Variants in PDE1C observed in about 807,000 individuals in gnomAD.
The protein encoded by PDE1C is dual specificity calcium/calmodulin-dependent 3',5'-cyclic nucleotide phosphodiesterase 1C.
Under a neutral mutation model 93.1 loss-of-function variants are expected in PDE1C, and 62 were observed. That is an observed-to-expected ratio of 0.67 (90% CI 0.54 to 0.82). PDE1C has a LOEUF of 0.82. PDE1C is among the 40% of genes least tolerant of loss of function. The pLI is 0.00. For synonymous variants in PDE1C, 325 were observed against 310.1 expected (o/e 1.05, Z -0.50); for missense variants, 742 against 884.6 (o/e 0.84, Z 2.04).
intron 1 of PDE1C, among the ~76,000 whole-genome samples, chr7:32,289,853 C>A (rs1322456429): frequency 6.6e-6 from 1 of 152,172 alleles, no homozygotes; most frequent in Non-Finnish European, 1.5e-5. Context: ...TATGAAGTTA[C>A]CACAAAGAGA....
intron 1 of PDE1C, among the ~76,000 whole-genome samples, chr7:32,312,092 G>A (rs79412476): frequency 0.15 from 22,203 of 151,238 alleles, 1,876 homozygotes; most frequent in East Asian, 0.39. Flanking sequence ...AAAATCACAA[G>A]CATTCTTATA....
At chr7:31,688,557 C>T in the PDE1C span, among the ~76,000 whole-genome samples, 3 of 152,230 alleles carry the variant, frequency 2.0e-5, no homozygotes, top group East Asian at 5.8e-4. Flanking sequence ...AGTTCCTTCC[C>T]CCTTTCAGTT....
intron 1 of PDE1C, among the ~76,000 whole-genome samples, chr7:32,326,056 GA>G (rs142837148): frequency 7.4e-5 from 11 of 148,116 alleles, no homozygotes; most frequent in Admixed American, 2.0e-4. Context: ...CGGTTGTGAG[GA>G]AAAAAAAAAG....
At chr7:32,206,346 A>G (rs1328460164) in intron 2 of PDE1C, among the ~76,000 whole-genome samples, 2 of 152,170 alleles carry the variant, frequency 1.3e-5, no homozygotes, top group South Asian at 2.1e-4. Context: ...GGTCAGGTGC[A>G]GTCAACCAGA....
chr7:32,359,644 T>C (rs901291319), intron 1 of PDE1C, among the ~76,000 whole-genome samples: 3 of 152,234 alleles, frequency 2.0e-5, no homozygotes, highest in African/African-American at 7.2e-5. Flanking sequence ...TTATTGTGTT[T>C]CTATAAATGA....
intron 3 of PDE1C, among the ~76,000 whole-genome samples, chr7:32,138,791 T>C (rs1322267519): frequency 3.3e-5 from 5 of 152,230 alleles, no homozygotes; most frequent in African/African-American, 4.8e-5. Flanking sequence ...TGTTGACCCA[T>C]AGATCATTTT....
At chr7:32,354,996 A>G (rs1784004922) in intron 1 of PDE1C, among the ~76,000 whole-genome samples, 1 of 152,148 alleles carries the variant, frequency 6.6e-6, no homozygotes, top group Non-Finnish European at 1.5e-5. Context: ...CTTGTTTCAG[A>G]GCTTGGCACC....
intron 2 of PDE1C, among the ~76,000 whole-genome samples, chr7:32,181,680 G>A (rs908281428): frequency 2.0e-4 from 30 of 151,790 alleles, no homozygotes; most frequent in African/African-American, 7.3e-4. Flanking sequence ...AGCACTAAAT[G>A]CCCACAAGAG....
At chr7:31,732,594 C>A in the PDE1C span, among the ~76,000 whole-genome samples, 2 of 149,650 alleles carry the variant, frequency 1.3e-5, no homozygotes, top group East Asian at 4.0e-4. Flanking sequence ...ATCACATAGG[C>A]CAATTCCTTT....
rs566846638 is a variant in PDE1C at position 32,166,324 on chromosome 7, T to TA, written c.308+3460dup. On this transcript the variant is annotated intron_variant, in intron 3 of 18. Transcript: ENST00000396193. The stretch of plus-strand genomic sequence containing the variant: ...GTCCAATTTTCGCACCTGGATAGCT[T>TA]AAAATGTTTGTTTCTTGGAGAGTAA... 6.0e-4 allele frequency among the ~76,000 whole-genome samples: 91 copies of TA among 152,212 alleles called. 1 individual carries two copies. In the South Asian group the frequency reaches 0.019, roughly 32 times the overall value.
At chr7:32,390,943 G>C (rs957651505) in intron 1 of PDE1C, among the ~76,000 whole-genome samples, 1 of 152,094 alleles carries the variant, frequency 6.6e-6, no homozygotes, top group African/African-American at 2.4e-5. Flanking sequence ...TCTTTAATAG[G>C]AAATAAGACA....
chr7:32,138,764 C>T (rs1422950066), intron 3 of PDE1C, among the ~76,000 whole-genome samples: 4 of 152,114 alleles, frequency 2.6e-5, no homozygotes, highest in Non-Finnish European at 5.9e-5. Flanking sequence ...AAATAACTTA[C>T]AGTGAAATTT....
At chr7:31,771,841 G>A (rs1472174325) in intron 17 of PDE1C, among the ~76,000 whole-genome samples, 1 of 151,994 alleles carries the variant, frequency 6.6e-6, no homozygotes, top group Non-Finnish European at 1.5e-5. Context: ...AGATCACAAG[G>A]TCAGGAGATC....
Position 32,294,927 on chromosome 7 carries a change from C to T in PDE1C, c.85+3724G>A, listed in dbSNP as rs142271377. Among the ~76,000 whole-genome samples, 385 of 152,296 alleles carry T rather than the reference C, an allele frequency of 2.5e-3. 1 individual carries two copies. Among genetic ancestry groups the T allele is most frequent in the Admixed American group, 4.9e-3 (75 of 15,298 alleles). Reference sequence around the variant, plus strand: ...GGATGGAACTCTCAAAGCATCAAGGCGCTTTCAAAGTCAGCACTTCTGAAT... The same window carrying T: ...GGATGGAACTCTCAAAGCATCAAGGTGCTTTCAAAGTCAGCACTTCTGAAT... On this transcript the variant is annotated intron_variant, in intron 1 of 18. Transcript: ENST00000396193.
chr7:32,157,695 C>T (rs891717282), intron 3 of PDE1C, among the ~76,000 whole-genome samples: 6 of 152,044 alleles, frequency 3.9e-5, no homozygotes, highest in Non-Finnish European at 8.8e-5. Context: ...TTAAGAGATA[C>T]AAGCTAAAGC....
At chr7:32,151,905 C>A (rs147428037) in intron 3 of PDE1C, among the ~76,000 whole-genome samples, 1 of 152,190 alleles carries the variant, frequency 6.6e-6, no homozygotes, top group Non-Finnish European at 1.5e-5. Flanking sequence ...GTTTTTTCTA[C>A]GTCATTTATA....
chr7:31,895,230 G>A (rs1799128203), intron 2 of PDE1C, among the ~76,000 whole-genome samples: 2 of 152,242 alleles, frequency 1.3e-5, no homozygotes, highest in Non-Finnish European at 2.9e-5. Flanking sequence ...CATGGATGAG[G>A]GACAGAGGGT....
chr7:31,985,926 C>T (rs890034127), intron 2 of PDE1C, among the ~76,000 whole-genome samples: 1 of 152,106 alleles, frequency 6.6e-6, no homozygotes, highest in African/African-American at 2.4e-5. Context: ...TCCCCTAGCA[C>T]CTTGCTCCTC....
At chr7:32,041,655 A>C (rs1157711241) in intron 2 of PDE1C, among the ~76,000 whole-genome samples, 1 of 152,232 alleles carries the variant, frequency 6.6e-6, no homozygotes, top group Non-Finnish European at 1.5e-5. Context: ...GTATTCATGT[A>C]TGACTGATCA....
Sources: allele counts gnomAD v4.1 joint callset (sites outside exome capture counted in the v4.1 genomes callset), GRCh38; gene constraint gnomAD v4.1.1; transcripts MANE v1.5; gene names NCBI Gene and HGNC (gene_info 2026-07-23, HGNC 2026-07-21).